Variants in CDH13 observed in about 807,000 individuals in gnomAD.
CDH13 encodes the protein cadherin 13, also known as cadherin-13.
In CDH13, 24 loss-of-function variants were observed where a neutral mutation model predicts 63.8. That is an observed-to-expected ratio of 0.38 (90% CI 0.27 to 0.53). CDH13 has a LOEUF of 0.53. Ranked by LOEUF, CDH13 falls within the 20% of genes least tolerant of loss-of-function variation. The pLI is 0.85. For missense variants in CDH13, 1,049 were observed against 903.1 expected, an observed-to-expected ratio of 1.16 and a Z score of -2.07; for synonymous variants, 503 against 355.3, an observed-to-expected ratio of 1.42 and a Z score of -4.67.
At chr16:82,918,921 A>T (rs373673429) in intron 2 of CDH13, among the ~76,000 whole-genome samples, 2 of 152,298 alleles carry the variant, frequency 1.3e-5, no homozygotes, top group African/African-American at 4.8e-5. Flanking sequence ...TACCTGTTTG[A>T]TAAAACTATG....
chr16:82,937,967 T>G (rs1184464148), intron 2 of CDH13, among the ~76,000 whole-genome samples: 1 of 152,244 alleles, frequency 6.6e-6, no homozygotes, highest in African/African-American at 2.4e-5. Flanking sequence ...TTAATTTACT[T>G]TGAGTTTTTA....
chr16:83,451,626 T>C (rs1254834210), intron 6 of CDH13, among the ~76,000 whole-genome samples: 12 of 152,188 alleles, frequency 7.9e-5, no homozygotes, highest in African/African-American at 2.7e-4. Flanking sequence ...CAAGAGATTC[T>C]CCCACCTCAG....
chr16:83,015,551 C>T (rs556409710), intron 2 of CDH13, among the ~76,000 whole-genome samples: 2 of 150,964 alleles, frequency 1.3e-5, no homozygotes, highest in African/African-American at 4.9e-5. Context: ...AAGATTCCAG[C>T]ATCTTAGCAT....
At chr16:82,997,174 T>C (rs904847568) in intron 2 of CDH13, among the ~76,000 whole-genome samples, 1 of 151,970 alleles carries the variant, frequency 6.6e-6, no homozygotes, top group East Asian at 1.9e-4. Flanking sequence ...GTGATGGTGA[T>C]GATGGTGGTG....
rs530498227 is a variant in CDH13, at chr16:83,383,922, G to A, written c.781+38916G>A. Reference sequence around the variant, plus strand: ...TCACTGCTGCTAGGTCCTTTCAGCAGACAGAGCAATGATACAGACACACAC... The same window carrying A: ...TCACTGCTGCTAGGTCCTTTCAGCAAACAGAGCAATGATACAGACACACAC... On this transcript the variant is annotated intron_variant, in intron 6 of 13. Transcript: ENST00000567109. Among the ~76,000 whole-genome samples the A allele has an allele frequency of 2.2e-3, 335 of 152,244 alleles. 3 individuals are homozygous for A. The highest frequency in any genetic ancestry group is 7.2e-3 in the African/African-American group (300 of 41,534).
rs73601930 is a variant in CDH13, at chr16:83,456,548, A to G, written c.782-29929A>G. Among the ~76,000 whole-genome samples the G allele has an allele frequency of 9.3e-3, 1,422 of 152,268 alleles. 11 individuals carry two copies. Among genetic ancestry groups the G allele is most frequent in the African/African-American group, 0.032 (1,314 of 41,546 alleles). ...CAGAGGCAACTGCAAGGAAGAGCAGATACTTGAGCCATTTTCAAGAGTGTG... is the reference window on the plus strand; with the variant it reads ...CAGAGGCAACTGCAAGGAAGAGCAGGTACTTGAGCCATTTTCAAGAGTGTG... On this transcript the variant is annotated intron_variant, in intron 6 of 13. Transcript: ENST00000567109.
intron 13 of CDH13, among the ~76,000 whole-genome samples, chr16:83,791,164 A>T (rs1916238905): frequency 6.6e-6 from 1 of 152,058 alleles, no homozygotes; most frequent in South Asian, 2.1e-4. Flanking sequence ...GAAAAAAAGA[A>T]AAAAAAGCCC....
At chr16:83,564,712 A>G (rs2075763625) in intron 7 of CDH13, among the ~76,000 whole-genome samples, 1 of 152,102 alleles carries the variant, frequency 6.6e-6, no homozygotes, top group Admixed American at 6.5e-5. Flanking sequence ...CCCAGCAGGG[A>G]TGAATCTTAA....
At chr16:82,746,603 T>C (rs985465230) in intron 1 of CDH13, among the ~76,000 whole-genome samples, 1 of 152,166 alleles carries the variant, frequency 6.6e-6, no homozygotes, top group African/African-American at 2.4e-5. Context: ...TACATTTTTA[T>C]TTAAAAAACC....
intron 1 of CDH13, among the ~76,000 whole-genome samples, chr16:82,850,464 T>C (rs1313331272): frequency 5.3e-5 from 8 of 152,186 alleles, no homozygotes; most frequent in Non-Finnish European, 1.0e-4. Context: ...AAGAAAGTGG[T>C]TTCTTGAGAT....
chr16:83,792,085 C>T (rs1229058725), intron 13 of CDH13, among the ~76,000 whole-genome samples: 1 of 152,164 alleles, frequency 6.6e-6, no homozygotes, highest in African/African-American at 2.4e-5. Flanking sequence ...TAAAGTGTAC[C>T]AGTATTTTGT....
rs1269004550 is a variant in CDH13 at position 83,341,988 on chromosome 16, G to GA, written c.637-2874_637-2873insA. Among the ~76,000 whole-genome samples the GA allele has an allele frequency of 8.7e-3, 583 of 66,996 alleles. 3 individuals carry two copies. The highest frequency in any genetic ancestry group is 0.015 in the Non-Finnish European group (478 of 30,884). 44.0% of individuals were successfully genotyped at this position (66,996 alleles called of 152,430 possible). On this transcript the variant is annotated intron_variant, in intron 5 of 13. Transcript: ENST00000567109. ...CATTTATTTTGAATAGGTGTCCCCT[G>GA]CCACACACACACACACACACACACA...
intron 7 of CDH13, among the ~76,000 whole-genome samples, chr16:83,545,370 G>A (rs1446898860): frequency 1.3e-5 from 2 of 152,206 alleles, no homozygotes; most frequent in Non-Finnish European, 2.9e-5. Flanking sequence ...CTCTCCAGGG[G>A]AAGATTCATT....
intron 1 of CDH13, among the ~76,000 whole-genome samples, chr16:82,638,815 G>A (rs910482566): frequency 7.7e-5 from 4 of 52,242 alleles, no homozygotes; most frequent in African/African-American, 2.1e-4. Context: ...CTTTATTAGG[G>A]CAGTGTGTGC....
At chr16:82,899,603 G>T (rs2041390425) in intron 2 of CDH13, among the ~76,000 whole-genome samples, 1 of 152,180 alleles carries the variant, frequency 6.6e-6, no homozygotes, top group Admixed American at 6.5e-5. Flanking sequence ...AGGTGCCTGT[G>T]TGTGTGTGTG....
chr16:83,092,303 G>A (rs535420430), intron 3 of CDH13, among the ~76,000 whole-genome samples: 6 of 151,880 alleles, frequency 4.0e-5, no homozygotes, highest in African/African-American at 7.2e-5. Context: ...CACTGTCACC[G>A]TGTTGATTTG....
chr16:82,905,993 C>G (rs2041633228), intron 2 of CDH13, among the ~76,000 whole-genome samples: 1 of 152,116 alleles, frequency 6.6e-6, no homozygotes, highest in South Asian at 2.1e-4. Context: ...AAAAAATACA[C>G]ATATGTGTAT....
At chr16:83,295,628 C>T (rs1401413832) in intron 5 of CDH13, among the ~76,000 whole-genome samples, 3 of 137,126 alleles carry the variant, frequency 2.2e-5, no homozygotes, top group African/African-American at 7.4e-5. Flanking sequence ...AATGAGATAT[C>T]ACCTCATACC....
chr16:83,376,643 TGTG>T (rs2091464150), intron 6 of CDH13, among the ~76,000 whole-genome samples: 1 of 152,076 alleles, frequency 6.6e-6, no homozygotes, highest in African/African-American at 2.4e-5. Flanking sequence ...CTCAGGTGGT[TGTG>T]GTAGAGATGG....
Sources: allele counts gnomAD v4.1 joint callset (sites outside exome capture counted in the v4.1 genomes callset), GRCh38; gene constraint gnomAD v4.1.1; transcripts MANE v1.5; gene names NCBI Gene and HGNC (gene_info 2026-07-23, HGNC 2026-07-21).